ADGRA2: variants seen among roughly 807,000 people sequenced by gnomAD.
ADGRA2 encodes G-protein coupled receptor 124.
ADGRA2 carries 61 observed loss-of-function variants against 98.7 expected under a neutral mutation model. The observed-to-expected ratio is 0.62, with a 90% CI of 0.50 to 0.76. ADGRA2 has a LOEUF of 0.76. Ranked by LOEUF, ADGRA2 falls within the 30% of genes least tolerant of loss-of-function variation. ADGRA2 has a pLI of 0.00. For missense variants in ADGRA2, 1,712 were observed against 1,860.0 expected (o/e 0.92, Z 1.46); for synonymous variants, 858 against 831.5 (o/e 1.03, Z -0.55).
chr8:37,811,030 C>T (rs1281007069), intron 1 of ADGRA2, among the ~76,000 whole-genome samples: 1 of 142,906 alleles, frequency 7.0e-6, no homozygotes, highest in Non-Finnish European at 1.5e-5. Flanking sequence ...AGGAGAATGG[C>T]GTGAAGCCGG....
chr8:37,815,256 G>T (rs958800625), intron 2 of ADGRA2, among the ~76,000 whole-genome samples: 1 of 152,262 alleles, frequency 6.6e-6, no homozygotes, highest in East Asian at 1.9e-4. Flanking sequence ...TTAGCTGTGA[G>T]GGCCGAGCTC....
At position 37,829,474 on chromosome 8, in the gene ADGRA2, C is replaced by G. The variant is rs370800725; in HGVS notation, c.483-14C>G. 1.2e-6 allele frequency: 2 copies of G among 1,609,550 alleles called. No individual in the cohort carries two copies. The highest frequency in any genetic ancestry group is 2.7e-5 in the African/African-American group (2 of 74,824). On this transcript the variant is annotated splice_polypyrimidine_tract_variant and intron_variant, in intron 4 of 18. Transcript: ENST00000412232. ...CCCTAAGACCCCATCTCAGTTGTCC[C>G]CTGTTCCCTGCAGAAACATATCTGG... is the stretch of plus-strand genomic sequence containing the variant.
rs780120242 is a variant in ADGRA2 at position 37,841,525 on chromosome 8, CTCTTCG to C, written c.3193_3198del (p.Val1065_Phe1066del). On this transcript the variant is annotated inframe_deletion, in exon 19 of 19. Transcript: ENST00000412232. This position sits in a 1 kb window ranked among gnomAD's most constrained non-coding sequence, Gnocchi z 5.0. ...CGGGGTGGCAGCCTCCGCCCTGGGC[CTCTTCG>C]TCTTCACTCACCACTGTGCCAGGCG... is the stretch of plus-strand genomic sequence containing the variant. The C allele has an allele frequency of 1.2e-6, 2 of 1,612,684 alleles. No homozygotes were observed. The highest frequency in any genetic ancestry group is 1.7e-6 in the Non-Finnish European group (2 of 1,179,804).
Position 37,834,040 on chromosome 8 carries a change from G to A in ADGRA2, c.1520G>A (p.Arg507His), listed in dbSNP as rs369743546. ...GAGCACCTGCTGTGGCTGGCCCAGC[G>A]CGAGGACAAGGCCTGCAGCCGCATC... ...VDEHLLWLAQ[R>H]EDKACSRIVG... The change falls in exon 11 of 19, where the codon CGC (arginine) becomes CAC (histidine). Residue 507 changes from arginine (R) to histidine (H), a missense_variant. Transcript: ENST00000412232. This position sits in a 1 kb window ranked among gnomAD's most constrained non-coding sequence, Gnocchi z 4.2. 2.5e-4 allele frequency: 402 copies of A among 1,612,974 alleles called. 2 individuals carry two copies. The highest frequency in any genetic ancestry group is 5.2e-4 in the South Asian group (47 of 91,078).
At position 37,804,132 on chromosome 8, in the gene ADGRA2, C is replaced by CACACACACAT. The variant is rs1563337096; in HGVS notation, c.266+6607_266+6608insTACACACACA. ...ACACACACACACACACACACACACA[C>CACACACACAT]ACACACACACACACACACACGGCTC... is the stretch of plus-strand genomic sequence containing the variant. On this transcript the variant is annotated intron_variant, in intron 1 of 18. Coordinates refer to ENST00000412232, the MANE Select transcript of ADGRA2 (RefSeq NM_032777.10). 3.3e-5 allele frequency among the ~76,000 whole-genome samples: 5 copies of CACACACACAT among 151,304 alleles called. No individual in the cohort carries two copies. In the East Asian group the frequency reaches 5.9e-4, roughly 18 times the overall value.
intron 2 of ADGRA2, among the ~76,000 whole-genome samples, chr8:37,824,489 A>ATTTTTTTTTTTTT (rs34639785): frequency 8.7e-6 from 1 of 114,686 alleles, no homozygotes; most frequent in African/African-American, 3.4e-5. Context: ...CTAAGGTGCA[A>ATTTTTTTTTTTTT]TTTTTTTTTT....
In ADGRA2 at chr8:37,844,078, C is replaced by T; in HGVS notation, c.*1723C>T. The T allele has an allele frequency of 5.2e-6, 1 of 193,536 alleles. No homozygotes were observed. Among genetic ancestry groups the T allele is most frequent in the Non-Finnish European group, 1.1e-5 (1 of 91,850 alleles). 12.0% of individuals were successfully genotyped at this position (193,536 alleles called of 1,614,324 possible). A position where few individuals can be genotyped will look rare whatever the true frequency, so the allele number is the denominator to read the frequency against. ...GTGAATGCACGTAGGGCCAGAATTC[C>T]CCAGTTCCCGCTCCTCTGAGGGTTG... is the stretch of plus-strand genomic sequence containing the variant. On this transcript the variant is annotated 3_prime_UTR_variant, in exon 19 of 19. Transcript: ENST00000412232.
Position 37,840,765 on chromosome 8 carries a change from A to G in ADGRA2, c.2663A>G (p.Tyr888Cys). The G allele has an allele frequency of 6.3e-7, 1 of 1,586,384 alleles. No homozygotes were observed. The highest frequency in any genetic ancestry group is 8.7e-7 in the Non-Finnish European group (1 of 1,155,546). ...LPTPSPMLRF[Y>C]LIAGGIPLII... ...CAATCCCTCATTCCCTCCAGGTTCT[A>G]TTTGATCGCTGGAGGGATTCCACTC... Residue 888 changes from tyrosine (Y) to cysteine (C), a missense_variant, in exon 18 of 19, where the codon TAT becomes TGT. By Grantham distance (194) the Tyr-to-Cys change is radical. Coordinates refer to ENST00000412232, the MANE Select transcript of ADGRA2 (RefSeq NM_032777.10).
chr8:37,815,584 G>A (rs938928550), intron 2 of ADGRA2, among the ~76,000 whole-genome samples: 1 of 152,238 alleles, frequency 6.6e-6, no homozygotes, highest in South Asian at 2.1e-4. Flanking sequence ...ATCTGGTGGG[G>A]CCAGTGTGGG....
intron 2 of ADGRA2, among the ~76,000 whole-genome samples, chr8:37,815,778 T>C (rs1020310296): frequency 3.3e-5 from 5 of 152,162 alleles, no homozygotes; most frequent in African/African-American, 1.2e-4. Flanking sequence ...GACTCAGGAA[T>C]GTAATCACCC....
intron 1 of ADGRA2, among the ~76,000 whole-genome samples, chr8:37,812,142 C>T (rs1278972873): frequency 6.7e-6 from 1 of 148,508 alleles, no homozygotes; most frequent in Admixed American, 6.6e-5. Context: ...AAATGACATG[C>T]ACTTGCAATG....
chr8:37,815,335 C>A (rs191365462), intron 2 of ADGRA2, among the ~76,000 whole-genome samples: 2 of 152,388 alleles, frequency 1.3e-5, no homozygotes, highest in Admixed American at 6.5e-5. Context: ...AAGCGACTGA[C>A]TGCGGCCCTT....
Position 37,841,733 on chromosome 8 carries a change from G to T in ADGRA2, c.3395G>T (p.Gly1132Val). The T allele has an allele frequency of 6.5e-7, 1 of 1,541,806 alleles. No individual in the cohort carries two copies. Residue 1132 changes from glycine to valine, a missense_variant, in exon 19 of 19, where the codon GGC (glycine) becomes GTC (valine). Gly to Val is a moderately radical substitution (Grantham distance 109). Coordinates refer to ENST00000412232, the MANE Select transcript of ADGRA2 (RefSeq NM_032777.10). The surrounding 1 kb of genome is among the most constrained non-coding windows in gnomAD (Gnocchi z 5.0). ...SGSSGHPLAL[G>V]PCKLTNLQLA... Reference sequence around the variant, plus strand: ...AGCAGCGGCCATCCGCTGGCTCTGGGCCCCTGCAAGCTCACCAACCTGCAG... The same window carrying T: ...AGCAGCGGCCATCCGCTGGCTCTGGTCCCCTGCAAGCTCACCAACCTGCAG...
chr8:37,809,755 C>T (rs887157111), intron 1 of ADGRA2, among the ~76,000 whole-genome samples: 32 of 152,278 alleles, frequency 2.1e-4, no homozygotes, highest in Non-Finnish European at 3.2e-4. Flanking sequence ...GCAGCTGCCC[C>T]CCACTCAACT....
chr8:37,810,286 G>A (rs780330978), intron 1 of ADGRA2, among the ~76,000 whole-genome samples: 42 of 151,730 alleles, frequency 2.8e-4, no homozygotes, highest in South Asian at 1.3e-3. Flanking sequence ...TGAGGCGGGC[G>A]GATCATGAGA....
rs985799684 is a variant in ADGRA2, at chr8:37,837,830, G to A, written c.2150G>A (p.Gly717Glu). Residue 717 changes from glycine (G) to glutamate (E), a missense_variant, in exon 14 of 19, where the codon GGG (glycine) becomes GAG (glutamate). Physicochemically the swap from Gly to Glu is moderately conservative, Grantham distance 98. Transcript: ENST00000412232. Reference protein sequence around the residue: ...EPVAAWWSQEGPGEAGGWTSE... With the variant: ...EPVAAWWSQEEPGEAGGWTSE... The stretch of plus-strand genomic sequence containing the variant: ...GTGGCCGCTTGGTGGAGCCAGGAGG[G>A]GCCCGGGGAGGCTGGGGGCTGGACC... 3 of 1,530,606 alleles carry A rather than the reference G, an allele frequency of 2.0e-6. No homozygotes were observed. The highest frequency in any genetic ancestry group is 1.4e-5 in the African/African-American group (1 of 72,800). The allele number at this position is 1,530,606 out of a possible 1,614,324, so 94.8% of individuals were successfully genotyped here. A position where few individuals can be genotyped will look rare whatever the true frequency, so the allele number is the denominator to read the frequency against.
intron 9 of ADGRA2, among the ~76,000 whole-genome samples, 192 bp downstream of exon 9, chr8:37,833,400 T>G (rs743398): frequency 0.43 from 65,335 of 152,096 alleles, 15,097 homozygotes; most frequent in East Asian, 0.79. Flanking sequence ...GAGGCCACAG[T>G]GGGGAAGGGC....
intron 1 of ADGRA2, among the ~76,000 whole-genome samples, chr8:37,799,551 A>G (rs1049176110): frequency 6.6e-6 from 1 of 152,094 alleles, no homozygotes; most frequent in African/African-American, 2.4e-5. Flanking sequence ...ATAGAAAGGC[A>G]GTTTTGCAGT....
rs561523764 is a variant in ADGRA2, at chr8:37,835,670, T to C, written c.1950T>C (p.Asn650=). Residue 650 remains asparagine (N), a synonymous_variant, in exon 13 of 19, where the codon AAT becomes AAC. Transcript: ENST00000412232. ...DCTLQLLVFR[N]GRLFHSHSNT... ...CCCTGCAACTGCTCGTCTTCCGAAA[T>C]GGCCGCCTCTTCCACAGCCACAGCA... 9.7e-5 allele frequency: 156 copies of C among 1,613,886 alleles called. 2 individuals are homozygous for C. The highest frequency in any genetic ancestry group is 4.9e-4 in the Middle Eastern group (3 of 6,062).
Sources: allele counts gnomAD v4.1 joint callset (sites outside exome capture counted in the v4.1 genomes callset), GRCh38; gene constraint gnomAD v4.1.1; non-coding constraint Gnocchi (gnomAD v3.1); transcripts MANE v1.5; gene names NCBI Gene and HGNC (gene_info 2026-07-23, HGNC 2026-07-21).